The following ANXA10 variants were observed in gnomAD, a reference collection of about 807,000 sequenced individuals.
ANXA10 encodes annexin A10.
A neutral mutation model predicts 53.5 loss-of-function variants in ANXA10; 49 were observed. The ratio of observed to expected loss-of-function variants is 0.92; its 90% CI spans 0.73 to 1.16. ANXA10 has a LOEUF of 1.16. Among genes scored for constraint, ANXA10 ranks in the 50% most tolerant of loss-of-function variants. The pLI, the probability that ANXA10 is intolerant of heterozygous loss-of-function variation, is 0.00. For missense variants in ANXA10, 393 were observed against 394.4 expected, an observed-to-expected ratio of 1.00 and a Z score of 0.03; for synonymous variants, 131 against 128.9, an observed-to-expected ratio of 1.02 and a Z score of -0.11.
At chr4:168,115,725 G>C (rs1156548547) in intron 1 of ANXA10, among the ~76,000 whole-genome samples, 1 of 152,130 alleles carries the variant, frequency 6.6e-6, no homozygotes, top group African/African-American at 2.4e-5. Flanking sequence ...TAACCGTGAA[G>C]TTAAATTTGG....
chr4:168,163,016 T>G (rs1731813443), intron 4 of ANXA10, among the ~76,000 whole-genome samples: 1 of 152,224 alleles, frequency 6.6e-6, no homozygotes. Flanking sequence ...CTTGTTACAT[T>G]ATTTGTAAAA....
At chr4:168,125,522 G>A (rs1579211188) in intron 1 of ANXA10, among the ~76,000 whole-genome samples, 1 of 152,164 alleles carries the variant, frequency 6.6e-6, no homozygotes, top group East Asian at 1.9e-4. Context: ...AATGTGGGAA[G>A]CCTAGGGATG....
chr4:168,120,054 C>T lies in ANXA10; in HGVS notation c.19-8030C>T, dbSNP rs186168800. Among the ~76,000 whole-genome samples, 250 of 151,688 alleles carry T rather than the reference C, an allele frequency of 1.6e-3. 1 individual carries two copies. The highest frequency in any genetic ancestry group is 2.8e-3 in the Non-Finnish European group (193 of 67,822). ...TAGCTTTAAGGATGAAATACAATAC[C>T]GAGAAATACAGTTTTGCAATACTTG... is the stretch of plus-strand genomic sequence containing the variant. On this transcript the variant is annotated intron_variant, in intron 1 of 11. Coordinates refer to ENST00000359299, the MANE Select transcript of ANXA10 (RefSeq NM_007193.5).
At chr4:168,102,754 G>C (rs1259621389) in intron 1 of ANXA10, among the ~76,000 whole-genome samples, 2 of 152,040 alleles carry the variant, frequency 1.3e-5, no homozygotes, top group African/African-American at 4.8e-5. Flanking sequence ...GTGCAGTTAT[G>C]TTTCCATTTC....
At chr4:168,172,322 G>A (rs1034684418) in intron 6 of ANXA10, among the ~76,000 whole-genome samples, 7 of 152,212 alleles carry the variant, frequency 4.6e-5, no homozygotes, top group East Asian at 3.8e-4. Flanking sequence ...CAGGTTAAAT[G>A]TCCAAAACAA....
chr4:168,112,241 A>G (rs1730819644), intron 1 of ANXA10, among the ~76,000 whole-genome samples: 1 of 152,162 alleles, frequency 6.6e-6, no homozygotes, highest in East Asian at 1.9e-4. Context: ...GGCTGCAGTG[A>G]GCCGAGATCG....
At chr4:168,143,916 C>T (rs1291182691) in intron 3 of ANXA10, among the ~76,000 whole-genome samples, 1 of 152,172 alleles carries the variant, frequency 6.6e-6, no homozygotes, top group Non-Finnish European at 1.5e-5. Flanking sequence ...CTTACAAGGG[C>T]AGACATCTAT....
intron 1 of ANXA10, among the ~76,000 whole-genome samples, chr4:168,122,417 C>G (rs1340057106): frequency 6.6e-6 from 1 of 152,178 alleles, no homozygotes; most frequent in Non-Finnish European, 1.5e-5. Context: ...ATACTCTGTA[C>G]TATAGAACTA....
At chr4:168,114,672 T>C (rs1730863690) in intron 1 of ANXA10, among the ~76,000 whole-genome samples, 1 of 152,146 alleles carries the variant, frequency 6.6e-6, no homozygotes, top group East Asian at 1.9e-4. Context: ...ATCCAATGTG[T>C]GCTGTTCTCC....
intron 1 of ANXA10, among the ~76,000 whole-genome samples, chr4:168,111,155 A>C (rs1730800789): frequency 6.6e-6 from 1 of 152,198 alleles, no homozygotes; most frequent in Non-Finnish European, 1.5e-5. Flanking sequence ...TTGTAATACC[A>C]TTTTGTAGAA....
rs1731631988 is a variant in ANXA10 at position 168,155,838 on chromosome 4, TATATAATATAATATATC to T, written c.196-6684_196-6668del. ...ATTATATATGATATATGATATATCA[TATATAATATAATATATC>T]ATATATGATATATCATATATTATAT... On this transcript the variant is annotated intron_variant, in intron 3 of 11. Coordinates refer to ENST00000359299, the MANE Select transcript of ANXA10 (RefSeq NM_007193.5). 3.2e-3 allele frequency among the ~76,000 whole-genome samples: 24 copies of T among 7,490 alleles called. 2 individuals carry two copies. The highest frequency in any genetic ancestry group is 2.4e-3 in the Non-Finnish European group (10 of 4,120). The allele number at this position is 7,490 out of a possible 152,430, so 4.9% of individuals were successfully genotyped here.
chr4:168,166,606 T>C (rs997165791), intron 6 of ANXA10, among the ~76,000 whole-genome samples: 3 of 150,082 alleles, frequency 2.0e-5, no homozygotes, highest in Non-Finnish European at 4.4e-5. Context: ...AAGCCAGAAT[T>C]TTGGTTTGGT....
intron 3 of ANXA10, among the ~76,000 whole-genome samples, chr4:168,153,459 C>CAAAAAAAAAAAA (rs200411170): frequency 2.7e-5 from 1 of 36,808 alleles, no homozygotes; most frequent in Non-Finnish European, 7.5e-5. Context: ...AAAAACAAAA[C>CAAAAAAAAAAAA]AAAAAAAAAA....
At chr4:168,148,060 C>T (rs1029370612) in intron 3 of ANXA10, among the ~76,000 whole-genome samples, 2 of 152,172 alleles carry the variant, frequency 1.3e-5, no homozygotes, top group African/African-American at 4.8e-5. Flanking sequence ...ATTACTGACC[C>T]CATGTGTTTC....
intron 10 of ANXA10, among the ~76,000 whole-genome samples, chr4:168,182,283 G>A (rs547681917): frequency 1.5e-5 from 2 of 132,028 alleles, no homozygotes; most frequent in African/African-American, 5.8e-5. Flanking sequence ...TCATACTTCA[G>A]TGTGTTATTC....
intron 1 of ANXA10, among the ~76,000 whole-genome samples, chr4:168,121,000 T>G (rs1316850691): frequency 6.6e-6 from 1 of 152,102 alleles, no homozygotes; most frequent in African/African-American, 2.4e-5. Context: ...CTTAAGTTTT[T>G]GGCACTTCAT....
intron 3 of ANXA10, among the ~76,000 whole-genome samples, chr4:168,143,573 A>G (rs1329708351): frequency 2.0e-5 from 3 of 152,226 alleles, no homozygotes; most frequent in Non-Finnish European, 4.4e-5. Context: ...CCACCAAAGC[A>G]AGTGCTAGTT....
At position 168,187,592 on chromosome 4, in the gene ANXA10, G is replaced by C; in HGVS notation, c.*158G>C. 2.2e-6 allele frequency: 1 copy of C among 446,208 alleles called. No individual in the cohort carries two copies. The highest frequency in any genetic ancestry group is 3.7e-5 in the East Asian group (1 of 27,372). The allele number at this position is 446,208 out of a possible 1,614,324, so 27.6% of individuals were successfully genotyped here. A position where few individuals can be genotyped will look rare whatever the true frequency, so the allele number is the denominator to read the frequency against. On this transcript the variant is annotated 3_prime_UTR_variant, in exon 12 of 12. Coordinates refer to ENST00000359299, the MANE Select transcript of ANXA10 (RefSeq NM_007193.5). ...ATTATTCTAAGCCAAAGAAAACTAT[G>C]AATGAAAGTATATGATACTGAATTT...
At chr4:168,125,989 C>T (rs1019760032) in intron 1 of ANXA10, among the ~76,000 whole-genome samples, 2 of 152,132 alleles carry the variant, frequency 1.3e-5, no homozygotes, top group African/African-American at 4.8e-5. Context: ...ACAAGTTATA[C>T]TATTTCTAAA....
Sources: allele counts gnomAD v4.1 joint callset (sites outside exome capture counted in the v4.1 genomes callset), GRCh38; gene constraint gnomAD v4.1.1; transcripts MANE v1.5; gene names NCBI Gene and HGNC (gene_info 2026-07-23, HGNC 2026-07-21).